The following CAMTA1 variants were observed in gnomAD, a reference collection of about 807,000 sequenced individuals.
The protein encoded by CAMTA1 is calmodulin binding transcription activator 1, also known as calmodulin-binding transcription activator 1.
A neutral mutation model predicts 170.9 loss-of-function variants in CAMTA1; 27 were observed. The observed-to-expected ratio is 0.16, with a 90% CI of 0.12 to 0.22. The LOEUF (loss-of-function observed/expected upper bound fraction) is 0.22, where lower values mean the gene tolerates loss of function less well. Ranked by LOEUF, CAMTA1 falls within the 10% of genes least tolerant of loss-of-function variation. The pLI, the probability that CAMTA1 is intolerant of heterozygous loss-of-function variation, is 1.00. For synonymous variants in CAMTA1, 833 were observed against 891.5 expected (o/e 0.93, Z 1.17); for missense variants, 1,619 against 2,217.2 (o/e 0.73, Z 5.42).
At chr1:7,033,288 G>A (rs1188740091) in intron 3 of CAMTA1, among the ~76,000 whole-genome samples, 1 of 152,030 alleles carries the variant, frequency 6.6e-6, no homozygotes, top group Non-Finnish European at 1.5e-5. Context: ...CTAATTGTCT[G>A]TTAATTACAC....
intron 1 of CAMTA1, among the ~76,000 whole-genome samples, chr1:6,809,473 C>G (rs997882652): frequency 1.3e-5 from 2 of 152,002 alleles, no homozygotes; most frequent in Non-Finnish European, 2.9e-5. Context: ...AGGGAGGGAG[C>G]CTTGGTGCTG....
intron 20 of CAMTA1, among the ~76,000 whole-genome samples, 197 bp from the exon 21 acceptor site, chr1:7,752,262 T>C (rs527644835): frequency 2.6e-5 from 4 of 152,270 alleles, no homozygotes; most frequent in African/African-American, 9.6e-5. Context: ...TCCTTTCTCC[T>C]CTAGTGATGC....
intron 5 of CAMTA1, among the ~76,000 whole-genome samples, chr1:7,259,721 G>A (rs2149349874): frequency 6.6e-6 from 1 of 152,352 alleles, no homozygotes; most frequent in Admixed American, 6.5e-5. Flanking sequence ...CCAATGATAT[G>A]GCTGGAGCTT....
chr1:7,096,416 C>G (rs185271492), intron 4 of CAMTA1, among the ~76,000 whole-genome samples: 166 of 152,318 alleles, frequency 1.1e-3, no homozygotes, highest in African/African-American at 3.8e-3. Flanking sequence ...ACCGTCAAGT[C>G]TCTGTGGATC....
At position 6,863,013 on chromosome 1, in the gene CAMTA1, C is replaced by G. The variant is rs146012006; in HGVS notation, c.234+37803C>G. ...AAGGAAATGATAAACTTTCCCCCAG[C>G]TTTGTTGAGGTATAATTGACAAGTA... On this transcript the variant is annotated intron_variant, in intron 3 of 22. Transcript: ENST00000303635. Among the ~76,000 whole-genome samples, 280 of 152,252 alleles carry G rather than the reference C, an allele frequency of 1.8e-3. 2 individuals carry two copies. The highest frequency in any genetic ancestry group is 6.4e-3 in the African/African-American group (266 of 41,536).
chr1:6,857,843 A>G (rs897969195), intron 3 of CAMTA1, among the ~76,000 whole-genome samples: 3 of 152,332 alleles, frequency 2.0e-5, no homozygotes, highest in South Asian at 2.1e-4. Flanking sequence ...AAAAAAGCCT[A>G]TTAATGGGGA....
At chr1:6,927,437 T>G (rs1000225978) in intron 3 of CAMTA1, among the ~76,000 whole-genome samples, 1 of 152,254 alleles carries the variant, frequency 6.6e-6, no homozygotes. Flanking sequence ...ATTTGTGTCC[T>G]AACAATAGCT....
chr1:6,943,175 C>T (rs1323295364), intron 3 of CAMTA1, among the ~76,000 whole-genome samples: 6 of 152,000 alleles, frequency 3.9e-5, no homozygotes, highest in African/African-American at 1.4e-4. Flanking sequence ...GCCCTCCTCC[C>T]CTCCTCCCCT....
chr1:6,953,165 C>T (rs186931655), intron 3 of CAMTA1, among the ~76,000 whole-genome samples: 15 of 152,320 alleles, frequency 9.8e-5, no homozygotes, highest in African/African-American at 3.1e-4. Flanking sequence ...TCTGTCCCGT[C>T]GTTTTCTCTC....
chr1:7,130,760 C>T (rs934513261), intron 4 of CAMTA1, among the ~76,000 whole-genome samples: 2 of 152,200 alleles, frequency 1.3e-5, no homozygotes, highest in African/African-American at 2.4e-5. Context: ...CTGATAATCT[C>T]TCCAACTGTT....
chr1:7,589,114 C>T (rs2095334966), intron 6 of CAMTA1, among the ~76,000 whole-genome samples: 1 of 152,212 alleles, frequency 6.6e-6, no homozygotes, highest in South Asian at 2.1e-4. Flanking sequence ...TCACATTTCC[C>T]CCTTCTGGAG....
chr1:7,465,717 G>A (rs926477909), intron 5 of CAMTA1, among the ~76,000 whole-genome samples: 2 of 152,178 alleles, frequency 1.3e-5, no homozygotes, highest in African/African-American at 4.8e-5. Context: ...GCGGGCCTGG[G>A]CCTTCCTCTT....
intron 5 of CAMTA1, among the ~76,000 whole-genome samples, chr1:7,257,108 G>A (rs1008094022): frequency 4.7e-5 from 7 of 148,238 alleles, no homozygotes; most frequent in African/African-American, 1.7e-4. Context: ...TCATATACAT[G>A]TTGGGGGAAC....
At chr1:6,840,876 C>G (rs1468716625) in intron 3 of CAMTA1, among the ~76,000 whole-genome samples, 1 of 152,188 alleles carries the variant, frequency 6.6e-6, no homozygotes, top group African/African-American at 2.4e-5. Flanking sequence ...GGGTGCGTCA[C>G]TTTTATGTTT....
chr1:7,265,184 CCATGAGCCA>C (rs1668732372), intron 5 of CAMTA1, among the ~76,000 whole-genome samples: 1 of 152,194 alleles, frequency 6.6e-6, no homozygotes, highest in Admixed American at 6.6e-5. Context: ...CAGCCAGCAG[CCATGAGCCA>C]CATGTGGTGG....
chr1:7,391,031 C>G (rs949879739), intron 5 of CAMTA1, among the ~76,000 whole-genome samples: 3 of 151,766 alleles, frequency 2.0e-5, no homozygotes, highest in African/African-American at 7.3e-5. Flanking sequence ...GAGTTTTGCT[C>G]TTGTTGCCCG....
intron 3 of CAMTA1, among the ~76,000 whole-genome samples, chr1:6,948,413 C>G (rs2149463002): frequency 6.6e-6 from 1 of 152,308 alleles, no homozygotes; most frequent in Non-Finnish European, 1.5e-5. Context: ...TAGGTAAGAG[C>G]AAGATAGAAA....
intron 5 of CAMTA1, among the ~76,000 whole-genome samples, chr1:7,261,348 G>A (rs374224254): frequency 7.6e-4 from 115 of 152,314 alleles, no homozygotes; most frequent in African/African-American, 2.6e-3. Flanking sequence ...TGAGGTCTAT[G>A]TTTTGCAGCA....
At chr1:7,027,418 C>G (rs920779869) in intron 3 of CAMTA1, among the ~76,000 whole-genome samples, 1 of 152,236 alleles carries the variant, frequency 6.6e-6, no homozygotes, top group South Asian at 2.1e-4. Flanking sequence ...ACAAGTTGAA[C>G]CTTAGTTATA....
Sources: allele counts gnomAD v4.1 joint callset (sites outside exome capture counted in the v4.1 genomes callset), GRCh38; gene constraint gnomAD v4.1.1; transcripts MANE v1.5; gene names NCBI Gene and HGNC (gene_info 2026-07-23, HGNC 2026-07-21).